The following SAMD12 variants were observed in gnomAD, a reference collection of about 807,000 sequenced individuals.
SAMD12 encodes sterile alpha motif domain containing 12, also known as sterile alpha motif domain-containing protein 12.
SAMD12 carries 9 observed loss-of-function variants against 15.0 expected under a neutral mutation model. The observed-to-expected ratio is 0.60, with a 90% CI of 0.36 to 1.05. SAMD12 has a LOEUF of 1.05. SAMD12 is among the 50% of genes least tolerant of loss of function. The pLI is 0.01. For missense variants in SAMD12, 230 were observed against 234.2 expected (o/e 0.98, Z 0.12); for synonymous variants, 86 against 90.1 (o/e 0.96, Z 0.25).
intron 2 of SAMD12, among the ~76,000 whole-genome samples, chr8:118,483,233 C>T (rs1403104586): frequency 1.3e-5 from 2 of 152,168 alleles, no homozygotes; most frequent in African/African-American, 4.8e-5. Flanking sequence ...TGGGAGTGTT[C>T]GAGGTTAAAA....
At chr8:118,136,796 G>A in the SAMD12 span, among the ~76,000 whole-genome samples, 1 of 152,202 alleles carries the variant, frequency 6.6e-6, no homozygotes, top group Admixed American at 6.5e-5. Context: ...GAAGGAGACT[G>A]TAGAAGATGT....
chr8:118,267,708 T>C, intron 4 of SAMD12, among the ~76,000 whole-genome samples: 1 of 138,408 alleles, frequency 7.2e-6, no homozygotes, highest in East Asian at 1.9e-4. Flanking sequence ...CTGTTGTGTG[T>C]GTGTGTGTGT....
intron 3 of SAMD12, among the ~76,000 whole-genome samples, chr8:118,412,801 G>A (rs1429504420): frequency 6.6e-6 from 1 of 152,150 alleles, no homozygotes; most frequent in African/African-American, 2.4e-5. Flanking sequence ...GTCATTTTAA[G>A]CTACTAAGTT....
chr8:118,537,205 C>T (rs779874083), intron 2 of SAMD12, among the ~76,000 whole-genome samples: 2 of 152,056 alleles, frequency 1.3e-5, no homozygotes, highest in African/African-American at 4.8e-5. Flanking sequence ...TTTTTAGGAT[C>T]GTTTCTTTAT....
intron 2 of SAMD12, among the ~76,000 whole-genome samples, chr8:118,570,144 A>G (rs1241351267): frequency 2.0e-5 from 3 of 152,206 alleles, no homozygotes; most frequent in African/African-American, 7.2e-5. Context: ...TGAAAGAGCC[A>G]CACCATCTGA....
At chr8:118,446,585 A>G (rs1822920745) in intron 2 of SAMD12, among the ~76,000 whole-genome samples, 1 of 152,196 alleles carries the variant, frequency 6.6e-6, no homozygotes, top group Admixed American at 6.5e-5. Context: ...GCACTTTCCC[A>G]GAAAATCCAC....
intron 4 of SAMD12, among the ~76,000 whole-genome samples, chr8:118,212,525 A>G (rs1811858383): frequency 6.6e-6 from 1 of 152,214 alleles, no homozygotes; most frequent in African/African-American, 2.4e-5. Flanking sequence ...AATAAAACGA[A>G]ACACACCTTC....
chr8:118,235,221 T>C (rs575442780), intron 4 of SAMD12, among the ~76,000 whole-genome samples: 3 of 152,212 alleles, frequency 2.0e-5, no homozygotes, highest in African/African-American at 7.2e-5. Flanking sequence ...ATAAGTCTTT[T>C]TTTTTTTTTA....
In SAMD12 at chr8:118,549,958, C is replaced by T. The variant is rs191171380; in HGVS notation, c.192+30757G>A. ...GGAAGATGAAATGAATGAAATGAAG[C>T]GAGAAGGGAAGTTTAGGGAAAAAAG... On this transcript the variant is annotated intron_variant, in intron 2 of 3. Transcript: ENST00000314727. Among the ~76,000 whole-genome samples the T allele has an allele frequency of 2.1e-3, 326 of 151,696 alleles. 6 individuals are homozygous for T. The highest frequency in any genetic ancestry group is 5.6e-3 in the African/African-American group (231 of 41,204).
intron 4 of SAMD12, among the ~76,000 whole-genome samples, chr8:118,292,828 A>T (rs1814481022): frequency 6.8e-6 from 1 of 147,324 alleles, no homozygotes; most frequent in Admixed American, 6.9e-5. Flanking sequence ...ACATATTCTC[A>T]CTCATAGGTG....
In SAMD12 at chr8:118,396,943, C is replaced by T. The variant is rs1229482844; in HGVS notation, c.323-17243G>A. On this transcript the variant is annotated intron_variant, in intron 3 of 3. Transcript: ENST00000314727. ...GAGAAATGAGGTATCTGAAGCAAGACAGAAGTTGCCAAGGGTGAGACACAT... is the reference window on the plus strand; with the variant it reads ...GAGAAATGAGGTATCTGAAGCAAGATAGAAGTTGCCAAGGGTGAGACACAT... 2.6e-5 allele frequency among the ~76,000 whole-genome samples: 4 copies of T among 152,218 alleles called. No individual in the cohort carries two copies. The South Asian group carries it at 6.2e-4, about 24-fold the overall frequency.
intron 2 of SAMD12, among the ~76,000 whole-genome samples, chr8:118,579,798 A>G (rs1827238163): frequency 6.6e-6 from 1 of 152,192 alleles, no homozygotes; most frequent in African/African-American, 2.4e-5. Context: ...GAGAAACAAA[A>G]CTATATGAAG....
chr8:118,296,296 T>A (rs1814711119), intron 4 of SAMD12, among the ~76,000 whole-genome samples: 1 of 152,190 alleles, frequency 6.6e-6, no homozygotes. Context: ...GTTCTTGATT[T>A]CTTCAATGCA....
In SAMD12 at chr8:118,479,819, A is replaced by C. The variant is rs79897436; in HGVS notation, c.193-39858T>G. Among the ~76,000 whole-genome samples the C allele has an allele frequency of 5.1e-3, 771 of 152,066 alleles. 11 individuals carry two copies. Among genetic ancestry groups the C allele is most frequent in the African/African-American group, 0.017 (688 of 41,450 alleles). ...ATTGCTTCTAGAAAGTAAGTTCTGC[A>C]AAAGTGGGTATGTTTGTCATTTGTG... On this transcript the variant is annotated intron_variant, in intron 2 of 3. Transcript: ENST00000314727.
chr8:118,457,308 G>T lies in SAMD12; in HGVS notation c.193-17347C>A, dbSNP rs1823288096. On this transcript the variant is annotated intron_variant, in intron 2 of 3. Coordinates refer to ENST00000314727, the MANE Select transcript of SAMD12 (RefSeq NM_207506.3). The stretch of plus-strand genomic sequence containing the variant: ...TGCGGTGGCATGATCATCGCTCACT[G>T]CAGCCTCAAACTCCTGGGCTCAGGG... Among the ~76,000 whole-genome samples, 6 of 149,508 alleles carry T rather than the reference G, an allele frequency of 4.0e-5. No homozygotes were observed. In the South Asian group the frequency reaches 1.1e-3, roughly 26 times the overall value.
At chr8:118,473,759 C>A (rs1563882068) in intron 2 of SAMD12, among the ~76,000 whole-genome samples, 2 of 152,146 alleles carry the variant, frequency 1.3e-5, no homozygotes, top group Non-Finnish European at 2.9e-5. Flanking sequence ...TCACTGCTGT[C>A]TCTAGATAAG....
At chr8:118,229,190 T>C (rs1015328404) in intron 4 of SAMD12, among the ~76,000 whole-genome samples, 1 of 152,094 alleles carries the variant, frequency 6.6e-6, no homozygotes, top group African/African-American at 2.4e-5. Context: ...CAGTGTATAC[T>C]GCTTGGGTGA....
intron 4 of SAMD12, among the ~76,000 whole-genome samples, chr8:118,341,615 G>A (rs940692202): frequency 1.3e-5 from 2 of 152,138 alleles, no homozygotes; most frequent in African/African-American, 4.8e-5. Context: ...GGCTGCAGAT[G>A]CCAACCTCTC....
intron 4 of SAMD12, among the ~76,000 whole-genome samples, chr8:118,324,622 G>A (rs1029335828): frequency 4.6e-5 from 7 of 152,178 alleles, no homozygotes; most frequent in African/African-American, 1.7e-4. Context: ...ACTTAAAGTA[G>A]GGGTAAGCCC....
Sources: allele counts gnomAD v4.1 joint callset (sites outside exome capture counted in the v4.1 genomes callset), GRCh38; gene constraint gnomAD v4.1.1; transcripts MANE v1.5; gene names NCBI Gene and HGNC (gene_info 2026-07-23, HGNC 2026-07-21).